PHYHD1: variants seen among roughly 807,000 people sequenced by gnomAD.
PHYHD1 encodes the protein phytanoyl-CoA dioxygenase domain containing 1, also known as phytanoyl-CoA dioxygenase domain-containing protein 1.
Under a neutral mutation model 43.6 loss-of-function variants are expected in PHYHD1, and 42 were observed. The ratio of observed to expected loss-of-function variants is 0.96; its 90% confidence interval spans 0.75 to 1.25. PHYHD1 has a LOEUF of 1.25. Ranked by LOEUF, PHYHD1 falls within the 50% of genes most tolerant of loss-of-function variation. PHYHD1 has a pLI of 0.00. For synonymous variants in PHYHD1, 139 were observed against 143.6 expected (o/e 0.97, Z 0.23); for missense variants, 342 against 370.8 (o/e 0.92, Z 0.64).
intron 3 of PHYHD1, chr9:128,926,790 C>T (rs1326466051): frequency 8.9e-6 from 5 of 559,368 alleles, no homozygotes; most frequent in Middle Eastern, 3.3e-4. Context: ...AGTTATTGCC[C>T]GCCTCAGCCT....
intron 3 of PHYHD1, among the ~76,000 whole-genome samples, chr9:128,925,812 G>A (rs1841117321): frequency 6.6e-6 from 1 of 152,000 alleles, no homozygotes; most frequent in Non-Finnish European, 1.5e-5. Context: ...CCAAATTCAG[G>A]GGCTTCCCAT....
At chr9:128,934,796 A>C (rs753765073) in intron 6 of PHYHD1, among the ~76,000 whole-genome samples, 2 of 151,250 alleles carry the variant, frequency 1.3e-5, no homozygotes, top group African/African-American at 2.4e-5. Flanking sequence ...AACAAGAAAG[A>C]AAGCCCATAG....
intron 4 of PHYHD1, among the ~76,000 whole-genome samples, chr9:128,928,149 C>G (rs1287995024): frequency 1.3e-5 from 2 of 152,182 alleles, no homozygotes; most frequent in Non-Finnish European, 2.9e-5. Context: ...CGGAAGCCAT[C>G]CCAGGGAATG....
chr9:128,937,747 T>G lies in PHYHD1; in HGVS notation c.436-10T>G, dbSNP rs1214827521. The G allele has an allele frequency of 4.3e-6, 7 of 1,613,796 alleles. No individual in the cohort carries two copies. Among genetic ancestry groups the G allele is most frequent in the African/African-American group, 1.3e-5 (1 of 74,886 alleles). On this transcript the variant is annotated splice_polypyrimidine_tract_variant and intron_variant, in intron 8 of 12. Transcript: ENST00000372592. ...TTCTGTCCTCACCAGGCTTTTCCTC[T>G]CTCTTGCAGCAACCTCACTTTGGCG...
rs781739533 is a variant in PHYHD1, at chr9:128,922,322, C to G, written c.-2C>G. 5.8e-6 allele frequency: 9 copies of G among 1,551,210 alleles called. No individual in the cohort carries two copies. The highest frequency in any genetic ancestry group is 6.1e-6 in the Non-Finnish European group (7 of 1,147,314). ...AAGCCGCCCAGTGCCCTGAGCGTCT[C>G]CATGGCCTGCCTGAGCCCCTCGCAG... On this transcript the variant is annotated 5_prime_UTR_variant, in exon 3 of 13. Transcript: ENST00000372592.
In PHYHD1 at chr9:128,939,661, A is replaced by AT. The variant is rs533393185; in HGVS notation, c.458-697dup. Reference sequence around the variant, plus strand: ...TCCCTGCTTCGCACCCAACTTCCCAATTTTTTTTTTTGAGAGGGAGTCTTG... The same window carrying AT: ...TCCCTGCTTCGCACCCAACTTCCCAATTTTTTTTTTTTGAGAGGGAGTCTTG... On this transcript the variant is annotated intron_variant, in intron 9 of 12. Transcript: ENST00000372592. Among the ~76,000 whole-genome samples the AT allele has an allele frequency of 2.9e-4, 33 of 113,482 alleles. 2 individuals carry two copies. The highest frequency in any genetic ancestry group is 6.8e-4 in the East Asian group (3 of 4,382). The allele number at this position is 113,482 out of a possible 152,430, so 74.4% of individuals were successfully genotyped here.
In PHYHD1 at chr9:128,922,283, G is replaced by C. The variant is rs1363149660; in HGVS notation, c.-41G>C. On this transcript the variant is annotated splice_region_variant and 5_prime_UTR_variant, in exon 3 of 13. Coordinates refer to ENST00000372592, the MANE Select transcript of PHYHD1 (RefSeq NM_001100876.2). ...TCCTAAACTTTCTCCTCCCCACCAG[G>C]AGGCCGCGCTTAGAAGCCGCCCAGT... The C allele has an allele frequency of 6.5e-7, 1 of 1,549,724 alleles. No homozygotes were observed. The highest frequency in any genetic ancestry group is 8.7e-7 in the Non-Finnish European group (1 of 1,146,592).
Position 128,937,815 on chromosome 9 carries a change from G to T in PHYHD1, c.457+37G>T, listed in dbSNP as rs780341107. The stretch of plus-strand genomic sequence containing the variant: ...GCTGTGGGCCCCTGAAAAGGCCATG[G>T]GTGGGACATCTAAGACAGCAATGGT... On this transcript the variant is annotated intron_variant, in intron 9 of 12. Transcript: ENST00000372592. The T allele has an allele frequency of 1.1e-5, 17 of 1,613,852 alleles. No individual in the cohort carries two copies. Among genetic ancestry groups the T allele is most frequent in the Middle Eastern group, 3.3e-4 (2 of 5,996 alleles).
At position 128,922,410 on chromosome 9, in the gene PHYHD1, G is replaced by T. The variant is rs903217420; in HGVS notation, c.33+54G>T. 3 of 1,536,238 alleles carry T rather than the reference G, an allele frequency of 2.0e-6. No individual in the cohort carries two copies. The East Asian group carries it at 7.4e-5, about 38-fold the overall frequency. Reference sequence around the variant, plus strand: ...GGTCATGGCGGGGGGGTCCCTGCCGGACCTTCAGTAGTCCCAGTGCCCAAC... The same window carrying T: ...GGTCATGGCGGGGGGGTCCCTGCCGTACCTTCAGTAGTCCCAGTGCCCAAC... On this transcript the variant is annotated intron_variant, in intron 3 of 12. Transcript: ENST00000372592.
intron 3 of PHYHD1, among the ~76,000 whole-genome samples, chr9:128,923,618 T>C (rs1439794849): frequency 1.3e-5 from 2 of 152,230 alleles, no homozygotes; most frequent in East Asian, 3.8e-4. Context: ...CCCCACTTGG[T>C]TCTGTCATGA....
intron 4 of PHYHD1, among the ~76,000 whole-genome samples, chr9:128,931,382 A>T (rs1173641688): frequency 6.6e-6 from 1 of 152,102 alleles, no homozygotes; most frequent in Non-Finnish European, 1.5e-5. Flanking sequence ...AAGTGCTAGG[A>T]TTACAAGCAT....
In PHYHD1 at chr9:128,921,297, A is replaced by T. The variant is rs547965463; in HGVS notation, c.-531A>T. On this transcript the variant is annotated 5_prime_UTR_variant, in exon 1 of 13. Coordinates refer to ENST00000372592, the MANE Select transcript of PHYHD1 (RefSeq NM_001100876.2). ...CGGCTAGTTTTTGGTATTTTTATTT[A>T]TTATTTATTTATTTATTTTGAGACC... The T allele has an allele frequency of 1.3e-5, 2 of 149,062 alleles. No individual in the cohort carries two copies. Among genetic ancestry groups the T allele is most frequent in the Admixed American group, 1.3e-4 (2 of 14,974 alleles). 9.2% of individuals were successfully genotyped at this position (149,062 alleles called of 1,614,324 possible).
intron 4 of PHYHD1, among the ~76,000 whole-genome samples, chr9:128,932,186 T>TATTA (rs1295550734): frequency 3.7e-5 from 5 of 135,398 alleles, no homozygotes; most frequent in African/African-American, 1.5e-4. Context: ...TTATTATTAT[T>TATTA]TTTTTTTTTT....
At position 128,940,655 on chromosome 9, in the gene PHYHD1, T is replaced by A; in HGVS notation, c.643T>A (p.Phe215Ile). The change falls in exon 11 of 13, where the codon TTC becomes ATC. Residue 215 changes from phenylalanine to isoleucine, a missense_variant. Coordinates refer to ENST00000372592, the MANE Select transcript of PHYHD1 (RefSeq NM_001100876.2). Reference protein sequence around the residue: ...APVGSAPGTSFLGSEPARDNS... With the variant: ...APVGSAPGTSILGSEPARDNS... ...TGTTGGCTCAGCGCCTGGTACCAGCTTCCTTGGGTCAGAGCCAGCCCGGGA... is the reference window on the plus strand; with the variant it reads ...TGTTGGCTCAGCGCCTGGTACCAGCATCCTTGGGTCAGAGCCAGCCCGGGA... 1 of 1,614,142 alleles carries A rather than the reference T, an allele frequency of 6.2e-7. No homozygotes were observed. The highest frequency in any genetic ancestry group is 8.5e-7 in the Non-Finnish European group (1 of 1,180,020).
chr9:128,941,396 G>C (rs749737582), intron 11 of PHYHD1, 49 bp from the exon 12 acceptor site: 2 of 1,601,808 alleles, frequency 1.2e-6, no homozygotes, highest in Non-Finnish European at 1.7e-6. Context: ...GCTCTGGGGA[G>C]GGGGGATGTG....
chr9:128,935,451 T>C (rs561410322), intron 6 of PHYHD1, among the ~76,000 whole-genome samples: 1 of 143,104 alleles, frequency 7.0e-6, no homozygotes, highest in Non-Finnish European at 1.5e-5. Context: ...AGTGAAACCC[T>C]GTCTCTACTA....
At chr9:128,932,165 TATTGTTA>T (rs1841299782) in intron 4 of PHYHD1, among the ~76,000 whole-genome samples, 1 of 125,040 alleles carries the variant, frequency 8.0e-6, no homozygotes, top group African/African-American at 3.3e-5. Flanking sequence ...TTATTATTAT[TATTGTTA>T]TTATTATTAT....
At chr9:128,938,172 G>A (rs370971551) in intron 9 of PHYHD1, among the ~76,000 whole-genome samples, 91 of 152,242 alleles carry the variant, frequency 6.0e-4, no homozygotes, top group African/African-American at 2.1e-3. Context: ...GGTGGGTGTA[G>A]TATCGCACAC....
intron 3 of PHYHD1, among the ~76,000 whole-genome samples, chr9:128,922,887 T>C (rs1428515870): frequency 1.3e-5 from 2 of 150,532 alleles, no homozygotes; most frequent in African/African-American, 4.9e-5. Context: ...TTTGGGAGGG[T>C]AGGGAGGAGA....
Sources: allele counts gnomAD v4.1 joint callset (sites outside exome capture counted in the v4.1 genomes callset), GRCh38; gene constraint gnomAD v4.1.1; transcripts MANE v1.5; gene names NCBI Gene and HGNC (gene_info 2026-07-23, HGNC 2026-07-21).